SMPD4: variants seen among roughly 807,000 people sequenced by gnomAD.
The protein encoded by SMPD4 is sphingomyelin phosphodiesterase 4, also known as neutral sphingomyelinase 3.
SMPD4 carries 58 observed loss-of-function variants against 97.8 expected under a neutral mutation model. The observed-to-expected ratio is 0.59, with a 90% CI of 0.48 to 0.74. The LOEUF is 0.74. SMPD4 is among the 30% of genes least tolerant of loss of function. The pLI, the probability that SMPD4 is intolerant of heterozygous loss-of-function variation, is 0.00. For missense variants in SMPD4, 853 were observed against 1,080.5 expected (o/e 0.79, Z 2.95); for synonymous variants, 388 against 450.0 (o/e 0.86, Z 1.74).
At chr2:130,172,303 C>CCA (rs1158863319) in intron 8 of SMPD4, 46 bp downstream of exon 8, 1 of 1,506,272 alleles carries the variant, frequency 6.6e-7, no homozygotes, top group Non-Finnish European at 8.9e-7. Flanking sequence ...AGTGACCAGG[C>CCA]CACTCCCTTA....
chr2:130,167,664 C>G (rs1688063870), intron 8 of SMPD4, 74 bp from the exon 9 acceptor site: 1 of 1,495,370 alleles, frequency 6.7e-7, no homozygotes. Flanking sequence ...CAGGGGCAAT[C>G]TGGATATCAA....
chr2:130,160,611 C>T lies in SMPD4; in HGVS notation c.951+575G>A, dbSNP rs546700292. On this transcript the variant is annotated intron_variant, in intron 11 of 19. Coordinates refer to ENST00000680298, the MANE Select transcript of SMPD4 (RefSeq NM_017951.5). ...CGGCCAGGGCTCCCCAGGTGAAGGC[C>T]GGGTCCTGGCTGGGCTGTCAAGGAC... Among the ~76,000 whole-genome samples, 44 of 152,294 alleles carry T rather than the reference C, an allele frequency of 2.9e-4. No homozygotes were observed. In the Middle Eastern group the frequency reaches 0.01, roughly 35 times the overall value.
At chr2:130,170,439 CAACAGAGTAAGACCCTGTCAAAA>C (rs1688337329) in intron 8 of SMPD4, among the ~76,000 whole-genome samples, 2 of 120,194 alleles carry the variant, frequency 1.7e-5, no homozygotes, top group African/African-American at 6.8e-5. Context: ...CCAGCCTGGG[CAACAGAGTAAGACCCTGTCAAAA>C]AAAAAAAAAA....
chr2:130,167,469 T>C lies in SMPD4; in HGVS notation c.781A>G (p.Thr261Ala), dbSNP rs1459243721. The C allele has an allele frequency of 6.2e-7, 1 of 1,613,352 alleles. No individual in the cohort carries two copies. The highest frequency in any genetic ancestry group is 1.1e-5 in the South Asian group (1 of 91,048). Residue 261 changes from threonine (T) to alanine (A), a missense_variant, in exon 9 of 20, where the codon ACT (threonine) becomes GCT (alanine). Transcript: ENST00000680298. Reference protein sequence around the residue: ...PASHEIWRSETLLQVFVEMWL... With the variant: ...PASHEIWRSEALLQVFVEMWL... ...AGCTCAACTCTCACCTGGAGCAGAG[T>C]TTCTGACCTCCAGATCTCGTGGGAG...
chr2:130,170,458 C>CAAACAAAAAAAAAAAAA (rs1553438101), intron 8 of SMPD4, among the ~76,000 whole-genome samples: 1 of 64,682 alleles, frequency 1.5e-5, no homozygotes, highest in African/African-American at 6.2e-5. Flanking sequence ...AAGACCCTGT[C>CAAACAAAAAAAAAAAAA]AAAAAAAAAA....
intron 1 of SMPD4, among the ~76,000 whole-genome samples, chr2:130,180,594 C>T (rs1689476513): frequency 1.3e-5 from 2 of 152,220 alleles, no homozygotes; most frequent in South Asian, 2.1e-4. Flanking sequence ...TAGCTATCAA[C>T]TGCAGTGTTA....
chr2:130,154,383 G>A lies in SMPD4; in HGVS notation c.1553C>T (p.Pro518Leu). ...TFTGSFLSPW[P>L]PAVTDASFKV... ...GAAGGAGGCATCAGTGACCGCTGGT[G>A]GCCAGGGTGACAGGAAGCTCCCAGT... Residue 518 changes from proline to leucine, a missense_variant, in exon 16 of 20, where the codon CCA (proline) becomes CTA (leucine). Coordinates refer to ENST00000680298, the MANE Select transcript of SMPD4 (RefSeq NM_017951.5). The A allele has an allele frequency of 6.2e-7, 1 of 1,609,310 alleles. No individual in the cohort carries two copies. Among genetic ancestry groups the A allele is most frequent in the Non-Finnish European group, 8.5e-7 (1 of 1,177,974 alleles).
At position 130,152,295 on chromosome 2, in the gene SMPD4, G is replaced by C. The variant is rs1686309969; in HGVS notation, c.*260C>G. 2.3e-6 allele frequency: 1 copy of C among 427,868 alleles called. No individual in the cohort carries two copies. The highest frequency in any genetic ancestry group is 2.0e-5 in the African/African-American group (1 of 49,952). The allele number at this position is 427,868 out of a possible 1,614,324, so 26.5% of individuals were successfully genotyped here. A position where few individuals can be genotyped will look rare whatever the true frequency, so the allele number is the denominator to read the frequency against. ...GCTTGGCCGTGAGTCCTTGGCGGAG[G>C]GAGGGAAAGGCCGCCGCTGAGCTCT... On this transcript the variant is annotated 3_prime_UTR_variant, in exon 20 of 20. Coordinates refer to ENST00000680298, the MANE Select transcript of SMPD4 (RefSeq NM_017951.5).
Position 130,172,660 on chromosome 2 carries a change from T to C in SMPD4, c.472A>G (p.Ile158Val), listed in dbSNP as rs765156165. 3.7e-6 allele frequency: 6 copies of C among 1,614,174 alleles called. No individual in the cohort carries two copies. In the South Asian group the frequency reaches 4.4e-5, roughly 12 times the overall value. Reference sequence around the variant, plus strand: ...ATGAGGCTCAAGGCAAAGAAGAATATGTAATACTCGAACGGATCTGAGAGC... The same window carrying C: ...ATGAGGCTCAAGGCAAAGAAGAATACGTAATACTCGAACGGATCTGAGAGC... Reference protein sequence around the residue: ...NLALNPFEYYIFFFALSLITQ... With the variant: ...NLALNPFEYYVFFFALSLITQ... The change falls in exon 7 of 20, where the codon ATA becomes GTA. Residue 158 changes from isoleucine (I) to valine (V), a missense_variant. This residue lies in a region of SMPD4 where 313 missense variants were observed against 402.2 expected (regional missense o/e 0.78). Coordinates refer to ENST00000680298, the MANE Select transcript of SMPD4 (RefSeq NM_017951.5).
intron 16 of SMPD4, 58 bp downstream of exon 16, chr2:130,154,219 T>C (rs1250323884): frequency 6.6e-7 from 1 of 1,509,566 alleles, no homozygotes; most frequent in African/African-American, 1.4e-5. Flanking sequence ...ACTTCCCGGG[T>C]TCTGCTCAGC....
At chr2:130,164,120 C>T (rs1422233307) in intron 10 of SMPD4, among the ~76,000 whole-genome samples, 3 of 152,224 alleles carry the variant, frequency 2.0e-5, no homozygotes, top group Non-Finnish European at 4.4e-5. Context: ...GCTCAGGAAG[C>T]TGCACAGGGA....
intron 1 of SMPD4, chr2:130,181,300 C>T: frequency 1.4e-6 from 2 of 1,412,216 alleles, no homozygotes; most frequent in Non-Finnish European, 1.8e-6. Flanking sequence ...ACCTACCGGA[C>T]CGGGACAGAG....
rs779757994 is a variant in SMPD4 at position 130,154,305 on chromosome 2, G to A, written c.1631C>T (p.Pro544Leu). ...SLEGQDCKYT[P>L]MFGPEARTLV... ...GGTGCGGGCCTCGGGCCCAAACATC[G>A]GGGTGTACTTGCAGTCCTGGCCCTC... Residue 544 changes from proline to leucine, a missense_variant, in exon 16 of 20, where the codon CCG becomes CTG. By Grantham distance (98) the Pro-to-Leu change is moderately conservative. Transcript: ENST00000680298. 25 of 1,609,268 alleles carry A rather than the reference G, an allele frequency of 1.6e-5. No individual in the cohort carries two copies. Among genetic ancestry groups the A allele is most frequent in the African/African-American group, 5.3e-5 (4 of 74,810 alleles).
At chr2:130,167,887 G>A (rs1688082334) in intron 8 of SMPD4, among the ~76,000 whole-genome samples, 1 of 152,166 alleles carries the variant, frequency 6.6e-6, no homozygotes, top group South Asian at 2.1e-4. Context: ...TAGCTGATTT[G>A]GTCAAGAATC....
Position 130,154,365 on chromosome 2 carries a change from G to C in SMPD4, c.1571C>G (p.Ala524Gly). ...GACGTGGCTCTTCACCTTGAAGGAG[G>C]CATCAGTGACCGCTGGTGGCCAGGG... The part of the protein sequence containing the change: ...LSPWPPAVTD[A>G]SFKVKSHVYS... The change falls in exon 16 of 20, where the codon GCC becomes GGC. Residue 524 changes from alanine to glycine, a missense_variant. Coordinates refer to ENST00000680298, the MANE Select transcript of SMPD4 (RefSeq NM_017951.5). 6.2e-7 allele frequency: 1 copy of C among 1,612,046 alleles called. No homozygotes were observed. Among genetic ancestry groups the C allele is most frequent in the Non-Finnish European group, 8.5e-7 (1 of 1,179,348 alleles).
chr2:130,154,935 C>T, intron 15 of SMPD4, 161 bp downstream of exon 15: 1 of 963,192 alleles, frequency 1.0e-6, no homozygotes, highest in East Asian at 2.6e-5. Context: ...GGTTTCAGAC[C>T]TCACCACACA....
chr2:130,175,290 G>C (rs578122515), intron 2 of SMPD4, among the ~76,000 whole-genome samples: 3 of 152,232 alleles, frequency 2.0e-5, no homozygotes, highest in Admixed American at 6.5e-5. Flanking sequence ...TCCATAAGTA[G>C]GGGTTGGTCC....
Position 130,173,356 on chromosome 2 carries a change from T to C in SMPD4, c.270-2A>G. The stretch of plus-strand genomic sequence containing the variant: ...TAAACCAACTTCATCATTGGGCCAC[T>C]GAACACGAAATTGAACAAACAAACA... On this transcript the variant is annotated splice_acceptor_variant, in intron 4 of 19. Transcript: ENST00000680298. LOFTEE classifies it high-confidence loss of function. 2 of 1,611,972 alleles carry C rather than the reference T, an allele frequency of 1.2e-6. No homozygotes were observed. The highest frequency in any genetic ancestry group is 1.7e-6 in the Non-Finnish European group (2 of 1,179,318).
chr2:130,156,538 A>G, intron 13 of SMPD4, 47 bp downstream of exon 13: 1 of 1,575,246 alleles, frequency 6.3e-7, no homozygotes. Context: ...TCCCACCTCA[A>G]GGCACACAGA....
Sources: gnomAD v4.1 joint callset for allele counts (sites outside exome capture counted in the v4.1 genomes callset) on GRCh38, gnomAD v4.1.1 for gene constraint, gnomAD v4.1.1 regional missense constraint, MANE v1.5 for transcripts, NCBI Gene and HGNC (gene_info 2026-07-23, HGNC 2026-07-21) for gene names.